SCN1A: variants seen among roughly 807,000 people sequenced by gnomAD.
SCN1A encodes the protein sodium voltage-gated channel alpha subunit 1, also known as sodium channel protein type 1 subunit alpha.
Under a neutral mutation model 193.7 loss-of-function variants are expected in SCN1A, and 13 were observed. The observed-to-expected ratio is 0.07, with a 90% CI of 0.04 to 0.11. The LOEUF (loss-of-function observed/expected upper bound fraction) is 0.11. Among genes scored for constraint, SCN1A ranks in the 10% least tolerant of loss-of-function variants. The pLI is 1.00. For synonymous variants in SCN1A, 781 were observed against 843.6 expected, an observed-to-expected ratio of 0.93 and a Z score of 1.29; for missense variants, 1,432 against 2,451.1, an observed-to-expected ratio of 0.58 and a Z score of 8.78.
intron 2 of SCN1A, among the ~76,000 whole-genome samples, chr2:166,101,774 C>G (rs1206666334): frequency 6.6e-6 from 1 of 152,032 alleles, no homozygotes; most frequent in Non-Finnish European, 1.5e-5. Context: ...ACTCTAAACC[C>G]TAGAAGAAAA....
intron 1 of SCN1A, among the ~76,000 whole-genome samples, chr2:166,148,185 AT>A (rs913828426): frequency 1.3e-5 from 2 of 152,116 alleles, no homozygotes; most frequent in African/African-American, 4.8e-5. Context: ...ATATCCATCT[AT>A]TTTTTAGATT....
At chr2:166,047,095 T>C (rs1252458651) in intron 11 of SCN1A, 119 bp from the exon 12 acceptor site, 4 of 1,115,368 alleles carry the variant, frequency 3.6e-6, no homozygotes, top group Non-Finnish European at 5.2e-6. Flanking sequence ...ATGTTGGTCA[T>C]AGCACCCTGT....
intron 4 of SCN1A, among the ~76,000 whole-genome samples, chr2:166,072,753 A>G (rs990747501): frequency 4.0e-5 from 6 of 149,166 alleles, no homozygotes; most frequent in Admixed American, 3.3e-4. Flanking sequence ...ATCTGTGGAG[A>G]GAATCTGTCA....
In SCN1A at chr2:166,047,785, A is replaced by G; in HGVS notation, c.1029-17T>C. On this transcript the variant is annotated splice_polypyrimidine_tract_variant and intron_variant, in intron 10 of 28. Coordinates refer to ENST00000674923, the MANE Select transcript of SCN1A (RefSeq NM_001165963.4). ...GGACATTGGCTGCAAGTGGGGTAAAAGAAAGTATTACAAGTCGTTCTGCTG... is the reference window on the plus strand; with the variant it reads ...GGACATTGGCTGCAAGTGGGGTAAAGGAAAGTATTACAAGTCGTTCTGCTG... 1 of 1,613,272 alleles carries G rather than the reference A, an allele frequency of 6.2e-7. No individual in the cohort carries two copies. The highest frequency in any genetic ancestry group is 8.5e-7 in the Non-Finnish European group (1 of 1,179,362).
At chr2:165,985,688 G>C (rs1374315676), downstream of SCN1A, 2 of 152,032 alleles carry the variant, frequency 1.3e-5, no homozygotes, top group Non-Finnish European at 2.9e-5. Flanking sequence ...ATCTATACTT[G>C]ATTGTCTAGA....
At position 165,989,629 on chromosome 2, in the gene SCN1A, T is replaced by G. The variant is rs1416174615; in HGVS notation, c.*1616A>C. 2 of 152,536 alleles carry G rather than the reference T, an allele frequency of 1.3e-5. No homozygotes were observed. The highest frequency in any genetic ancestry group is 2.9e-5 in the Non-Finnish European group (2 of 68,008). The allele number at this position is 152,536 out of a possible 1,614,324, so 9.4% of individuals were successfully genotyped here. A position where few individuals can be genotyped will look rare whatever the true frequency, so the allele number is the denominator to read the frequency against. On this transcript the variant is annotated 3_prime_UTR_variant, in exon 29 of 29. Coordinates refer to ENST00000674923, the MANE Select transcript of SCN1A (RefSeq NM_001165963.4). ...TGTGAAATAATCTAAAATTAGCAAATGTAATTTAAAAAGCAGAAATCTACA... is the reference window on the plus strand; with the variant it reads ...TGTGAAATAATCTAAAATTAGCAAAGGTAATTTAAAAAGCAGAAATCTACA...
intron 9 of SCN1A, among the ~76,000 whole-genome samples, chr2:166,050,257 C>T (rs1007849150): frequency 6.6e-6 from 1 of 151,686 alleles, no homozygotes; most frequent in Non-Finnish European, 1.5e-5. Flanking sequence ...TATAATTTTT[C>T]AGTTATAATA....
chr2:165,999,600 C>T, intron 25 of SCN1A, 123 bp downstream of exon 25: 2 of 768,540 alleles, frequency 2.6e-6, no homozygotes, highest in South Asian at 2.9e-5. Context: ...TTACCTGTCA[C>T]ACTTTTTCCC....
chr2:166,088,916 T>C (rs1482484325), intron 2 of SCN1A, among the ~76,000 whole-genome samples: 1 of 152,178 alleles, frequency 6.6e-6, no homozygotes, highest in Non-Finnish European at 1.5e-5. Context: ...ACCATAATGA[T>C]TTAAGATATC....
intron 5 of SCN1A, 40 bp downstream of exon 5, chr2:166,058,530 A>C: frequency 8.7e-7 from 1 of 1,143,240 alleles, no homozygotes; most frequent in Non-Finnish European, 1.3e-6. Context: ...CTTACAGATC[A>C]TGTACAAATA....
chr2:166,145,878 G>A (rs1692301163), intron 1 of SCN1A, among the ~76,000 whole-genome samples: 1 of 152,058 alleles, frequency 6.6e-6, no homozygotes, highest in Non-Finnish European at 1.5e-5. Flanking sequence ...TCTACGTCTG[G>A]ATATAAGAGC....
chr2:166,140,335 T>C (rs1409242937), intron 1 of SCN1A, among the ~76,000 whole-genome samples: 3 of 152,166 alleles, frequency 2.0e-5, no homozygotes, highest in Admixed American at 2.0e-4. Context: ...TACATCACAT[T>C]AAGCTCATAT....
At chr2:166,114,519 G>C (rs1015332834) in intron 2 of SCN1A, among the ~76,000 whole-genome samples, 2 of 152,160 alleles carry the variant, frequency 1.3e-5, no homozygotes, top group Non-Finnish European at 2.9e-5. Context: ...TGTGTGTACT[G>C]CATGGACTTT....
intron 5 of SCN1A, 93 bp from the exon 6 acceptor site, chr2:166,056,593 G>T: frequency 1.1e-6 from 1 of 877,420 alleles, no homozygotes; most frequent in Non-Finnish European, 1.9e-6. Flanking sequence ...CTGCAGCTTA[G>T]CCAAAATTCA....
chr2:166,102,431 G>T (rs538145000), intron 2 of SCN1A, among the ~76,000 whole-genome samples: 2 of 150,880 alleles, frequency 1.3e-5, no homozygotes, highest in Non-Finnish European at 2.9e-5. Flanking sequence ...AGGAGGCGGA[G>T]CTTGGAGTGA....
chr2:165,995,392 A>G (rs1006089684), intron 27 of SCN1A, among the ~76,000 whole-genome samples: 1 of 151,948 alleles, frequency 6.6e-6, no homozygotes, highest in East Asian at 1.9e-4. Context: ...GTACATTTTC[A>G]TAGCAATTTG....
At chr2:166,098,435 G>C (rs551953771) in intron 2 of SCN1A, among the ~76,000 whole-genome samples, 2 of 152,104 alleles carry the variant, frequency 1.3e-5, no homozygotes, top group African/African-American at 4.8e-5. Flanking sequence ...TTCTCCCTAA[G>C]AACTGAAACG....
upstream of SCN1A, among the ~76,000 whole-genome samples, chr2:166,131,823 T>G (rs894474521): frequency 2.0e-5 from 3 of 152,214 alleles, no homozygotes; most frequent in Non-Finnish European, 2.9e-5. Flanking sequence ...AATTTATTAA[T>G]TAACTTTATG....
upstream of SCN1A, among the ~76,000 whole-genome samples, chr2:166,128,721 A>G (rs1691498485): frequency 6.6e-6 from 1 of 152,206 alleles, no homozygotes; most frequent in Non-Finnish European, 1.5e-5. Context: ...CATCTTGTGG[A>G]CACAGCCTAA....
Sources: gnomAD v4.1 joint callset for allele counts (sites outside exome capture counted in the v4.1 genomes callset) on GRCh38, gnomAD v4.1.1 for gene constraint, MANE v1.5 for transcripts, NCBI Gene and HGNC (gene_info 2026-07-23, HGNC 2026-07-21) for gene names.